The following XPO6 variants were observed in gnomAD, a reference collection of about 807,000 sequenced individuals.
XPO6 encodes exportin 6.
A neutral mutation model predicts 130.0 loss-of-function variants in XPO6; 3 were observed. The observed-to-expected ratio is 0.02, with a 90% CI of 0.01 to 0.06. The LOEUF (loss-of-function observed/expected upper bound fraction) is 0.06. XPO6 is among the 10% of genes least tolerant of loss of function. The pLI, the probability that XPO6 is intolerant of heterozygous loss-of-function variation, is 1.00. For synonymous variants in XPO6, 524 were observed against 548.9 expected (o/e 0.95, Z 0.63); for missense variants, 970 against 1,393.0 (o/e 0.70, Z 4.83).
intron 12 of XPO6, among the ~76,000 whole-genome samples, chr16:28,131,701 C>CT (rs1217442532): frequency 6.6e-6 from 1 of 152,190 alleles, no homozygotes; most frequent in Non-Finnish European, 1.5e-5. Flanking sequence ...AGTAATAGCA[C>CT]TTACACCTCA....
In XPO6 at chr16:28,104,490, G is replaced by A. The variant is rs900756668; in HGVS notation, c.2946+56C>T. On this transcript the variant is annotated intron_variant, in intron 21 of 23. Coordinates refer to ENST00000304658, the MANE Select transcript of XPO6 (RefSeq NM_015171.4). Reference sequence around the variant, plus strand: ...CTGTGGGGCTTCGAAGACAGGACTCGCTGCAGTGGTCAGGTTAGAGGAAGT... The same window carrying A: ...CTGTGGGGCTTCGAAGACAGGACTCACTGCAGTGGTCAGGTTAGAGGAAGT... 19 of 1,590,048 alleles carry A rather than the reference G, an allele frequency of 1.2e-5. No individual in the cohort carries two copies. In the African/African-American group the frequency reaches 1.3e-4, roughly 11 times the overall value.
rs112958288 is a variant in XPO6, at chr16:28,169,621, C to T, written c.565+129G>A. The stretch of plus-strand genomic sequence containing the variant: ...GACCCTGGGCTATAGGTGTTGGGAA[C>T]GCAGCTTCCCATTTTCATGCTATCT... On this transcript the variant is annotated intron_variant, in intron 5 of 23. Coordinates refer to ENST00000304658, the MANE Select transcript of XPO6 (RefSeq NM_015171.4). The T allele has an allele frequency of 8.1e-4, 964 of 1,190,212 alleles. 11 individuals are homozygous for T. The African/African-American group carries it at 0.012, about 15-fold the overall frequency. The allele number at this position is 1,190,212 out of a possible 1,614,324, so 73.7% of individuals were successfully genotyped here.
chr16:28,117,110 G>A lies in XPO6; in HGVS notation c.2004+208C>T, dbSNP rs1020486190. 1.2e-5 allele frequency: 7 copies of A among 567,104 alleles called. No individual in the cohort carries two copies. The Admixed American group carries it at 1.3e-4, about 10-fold the overall frequency. 35.1% of individuals were successfully genotyped at this position (567,104 alleles called of 1,614,324 possible). On this transcript the variant is annotated intron_variant, in intron 15 of 23. Coordinates refer to ENST00000304658, the MANE Select transcript of XPO6 (RefSeq NM_015171.4). ...TTTCACAGTGAGCATGTATTCATGTGGAACTCAGATAACTAAAAAAGTAAA... is the reference window on the plus strand; with the variant it reads ...TTTCACAGTGAGCATGTATTCATGTAGAACTCAGATAACTAAAAAAGTAAA...
chr16:28,133,195 G>A (rs1224196542), intron 11 of XPO6, among the ~76,000 whole-genome samples: 2 of 152,166 alleles, frequency 1.3e-5, no homozygotes, highest in Non-Finnish European at 2.9e-5. Flanking sequence ...AAGTTAGCTG[G>A]GTGTGGTGGT....
intron 1 of XPO6, among the ~76,000 whole-genome samples, chr16:28,190,211 GTTTC>G (rs143834762): frequency 0.047 from 7,130 of 150,408 alleles, 458 homozygotes; most frequent in East Asian, 0.17. Flanking sequence ...AGGTGCACCA[GTTTC>G]TTTCTTTATT....
At chr16:28,100,366 G>A (rs2086630115) in intron 23 of XPO6, among the ~76,000 whole-genome samples, 1 of 152,250 alleles carries the variant, frequency 6.6e-6, no homozygotes, top group Admixed American at 6.5e-5. Flanking sequence ...TGATCATTAA[G>A]TATTAGGATC....
intron 2 of XPO6, among the ~76,000 whole-genome samples, chr16:28,177,567 A>T (rs969240217): frequency 7.9e-5 from 12 of 152,210 alleles, no homozygotes; most frequent in African/African-American, 2.4e-4. Context: ...CTCGCTATGG[A>T]TATTTCTCTA....
chr16:28,103,240 C>T (rs951054666), intron 21 of XPO6, among the ~76,000 whole-genome samples: 1 of 152,146 alleles, frequency 6.6e-6, no homozygotes, highest in Non-Finnish European at 1.5e-5. Context: ...GGGATCCTAC[C>T]ATGCATAGCC....
chr16:28,145,031 T>A (rs1222841373), intron 9 of XPO6, among the ~76,000 whole-genome samples: 4 of 152,200 alleles, frequency 2.6e-5, no homozygotes, highest in African/African-American at 4.8e-5. Flanking sequence ...GTAGGAGCTA[T>A]AACCAAACTG....
chr16:28,162,263 C>T (rs906470472), intron 6 of XPO6, among the ~76,000 whole-genome samples: 3 of 152,176 alleles, frequency 2.0e-5, no homozygotes, highest in Non-Finnish European at 4.4e-5. Flanking sequence ...TCCATAAAAA[C>T]GATTTTACTC....
In XPO6 at chr16:28,106,574, C is replaced by A; in HGVS notation, c.2498-77G>T. The A allele has an allele frequency of 8.6e-7, 1 of 1,158,300 alleles. No homozygotes were observed. Among genetic ancestry groups the A allele is most frequent in the South Asian group, 1.2e-5 (1 of 80,522 alleles). 71.8% of individuals were successfully genotyped at this position (1,158,300 alleles called of 1,614,324 possible). ...GAACCCTGGGCTTCATCAACCTACT[C>A]CTGAAATCTGCACTATCAGCTTTCT... On this transcript the variant is annotated intron_variant, in intron 18 of 23. Coordinates refer to ENST00000304658, the MANE Select transcript of XPO6 (RefSeq NM_015171.4). This position sits in a 1 kb window ranked among gnomAD's most constrained non-coding sequence, Gnocchi z 4.2.
At chr16:28,126,046 T>C (rs893235495) in intron 12 of XPO6, among the ~76,000 whole-genome samples, 198 bp from the exon 13 acceptor site, 1 of 152,132 alleles carries the variant, frequency 6.6e-6, no homozygotes, top group African/African-American at 2.4e-5. Context: ...ACGTTTGTGC[T>C]CCAGAGTCCA....
chr16:28,197,538 G>A (rs1288320276), intron 1 of XPO6, among the ~76,000 whole-genome samples: 4 of 152,040 alleles, frequency 2.6e-5, no homozygotes, highest in African/African-American at 7.2e-5. Context: ...ATTACCCAAC[G>A]CTGATGAGGA....
chr16:28,198,701 T>C (rs978645312), intron 1 of XPO6, among the ~76,000 whole-genome samples: 2 of 151,914 alleles, frequency 1.3e-5, no homozygotes, highest in South Asian at 4.2e-4. Context: ...AAAAAATAAA[T>C]TGTTGGTCAC....
chr16:28,152,923 C>G, intron 7 of XPO6, 138 bp from the exon 8 acceptor site: 1 of 1,387,428 alleles, frequency 7.2e-7, no homozygotes, highest in Non-Finnish European at 9.3e-7. Flanking sequence ...AGGCCTGCAA[C>G]AATTACCTAC....
intron 13 of XPO6, among the ~76,000 whole-genome samples, chr16:28,123,628 C>CG (rs1232911560): frequency 6.6e-6 from 1 of 152,096 alleles, no homozygotes; most frequent in Non-Finnish European, 1.5e-5. Flanking sequence ...GGAGCACTTC[C>CG]GGTCAGTCAA....
chr16:28,135,753 T>TA (rs1354079898), intron 9 of XPO6, among the ~76,000 whole-genome samples: 3 of 152,222 alleles, frequency 2.0e-5, no homozygotes, highest in South Asian at 2.1e-4. Context: ...GTCGTGGCTT[T>TA]AAAAAATCTG....
chr16:28,171,452 C>CAAAAAAAAAA (rs36000498), intron 4 of XPO6, among the ~76,000 whole-genome samples: 10 of 99,056 alleles, frequency 1.0e-4, no homozygotes, highest in African/African-American at 2.8e-4. Flanking sequence ...GACTCTGTCT[C>CAAAAAAAAAA]AAAAAAAAAA....
intron 1 of XPO6, among the ~76,000 whole-genome samples, chr16:28,187,132 A>T (rs1269951070): frequency 6.6e-6 from 1 of 152,208 alleles, no homozygotes; most frequent in South Asian, 2.1e-4. Context: ...AAGGAAGTTT[A>T]CTAGGAGGAT....
Sources: gnomAD v4.1 joint callset for allele counts (sites outside exome capture counted in the v4.1 genomes callset) on GRCh38, gnomAD v4.1.1 for gene constraint, Gnocchi (gnomAD v3.1) non-coding constraint, MANE v1.5 for transcripts, NCBI Gene and HGNC (gene_info 2026-07-23, HGNC 2026-07-21) for gene names.